Variants in MYOF observed in about 807,000 individuals in gnomAD.
MYOF encodes the protein fer-1-like 3, myoferlin.
In MYOF, 244 loss-of-function variants were observed where a neutral mutation model predicts 284.2. The ratio of observed to expected loss-of-function variants is 0.86; its 90% CI spans 0.77 to 0.95. The LOEUF (loss-of-function observed/expected upper bound fraction) is 0.95. Ranked by LOEUF, MYOF falls within the 40% of genes least tolerant of loss-of-function variation. The pLI, the probability that MYOF is intolerant of heterozygous loss-of-function variation, is 0.00. For missense variants in MYOF, 2,496 were observed against 2,560.6 expected (o/e 0.97, Z 0.54); for synonymous variants, 904 against 919.7 (o/e 0.98, Z 0.31).
intron 16 of MYOF, among the ~76,000 whole-genome samples, chr10:93,394,364 AGT>A (rs201933227): frequency 0.018 from 2,728 of 151,252 alleles, 84 homozygotes; most frequent in African/African-American, 0.061. Context: ...GGCCTCCCAA[AGT>A]GCTGGGATTA....
At chr10:93,465,324 C>T (rs1391028162) in intron 1 of MYOF, among the ~76,000 whole-genome samples, 1 of 152,138 alleles carries the variant, frequency 6.6e-6, no homozygotes, top group Non-Finnish European at 1.5e-5. Flanking sequence ...ATTCCCCCCA[C>T]AACGCTTACT....
intron 36 of MYOF, 123 bp from the exon 37 acceptor site, chr10:93,347,905 C>T: frequency 2.1e-6 from 2 of 963,108 alleles, no homozygotes; most frequent in Non-Finnish European, 3.0e-6. Flanking sequence ...CGCAATAGTT[C>T]AGTTACTCAT....
At position 93,318,754 on chromosome 10, in the gene MYOF, G is replaced by C. The variant is rs144163560; in HGVS notation, c.5598+1118C>G. Among the ~76,000 whole-genome samples the C allele has an allele frequency of 5.3e-3, 807 of 152,244 alleles. 3 individuals carry two copies. The highest frequency in any genetic ancestry group is 0.01 in the Middle Eastern group (3 of 294). On this transcript the variant is annotated intron_variant, in intron 49 of 53. Coordinates refer to ENST00000359263, the MANE Select transcript of MYOF (RefSeq NM_013451.4). ...GCCTGGGCAACAACAGTGAAACTCT[G>C]TCTCAAAAAAACAAAAAATAGTGCT... is the stretch of plus-strand genomic sequence containing the variant.
At chr10:93,366,596 A>G (rs1418985111) in intron 25 of MYOF, 41 bp from the exon 26 acceptor site, 1 of 1,523,622 alleles carries the variant, frequency 6.6e-7, no homozygotes, top group African/African-American at 1.4e-5. Flanking sequence ...ACCATCAGAG[A>G]GCAAAAAATA....
intron 39 of MYOF, among the ~76,000 whole-genome samples, chr10:93,339,488 A>G (rs953626494): frequency 2.2e-4 from 33 of 150,892 alleles, no homozygotes; most frequent in African/African-American, 7.8e-4. Context: ...AAATTTTGAC[A>G]GAGTCTCGCT....
intron 3 of MYOF, among the ~76,000 whole-genome samples, chr10:93,436,733 A>G (rs1849141612): frequency 6.6e-6 from 1 of 152,242 alleles, no homozygotes; most frequent in Admixed American, 6.5e-5. Flanking sequence ...AAACTGGGAA[A>G]TGATGACTTG....
At chr10:93,450,055 C>T (rs1293897737) in intron 3 of MYOF, among the ~76,000 whole-genome samples, 4 of 151,932 alleles carry the variant, frequency 2.6e-5, no homozygotes, top group South Asian at 2.1e-4. Context: ...GCCAAGAGTT[C>T]GAGACCAGCC....
chr10:93,372,925 T>C lies in MYOF; in HGVS notation c.2457+5A>G, dbSNP rs1360592301. The C allele has an allele frequency of 5.0e-6, 8 of 1,613,922 alleles. No homozygotes were observed. The highest frequency in any genetic ancestry group is 6.8e-6 in the Non-Finnish European group (8 of 1,179,870). Reference sequence around the variant, plus strand: ...TGTTTCACATGACACAGTGAAGATATGTACCTTCAGAAAGATGGTTTGGGT... The same window carrying C: ...TGTTTCACATGACACAGTGAAGATACGTACCTTCAGAAAGATGGTTTGGGT... On this transcript the variant is annotated splice_donor_5th_base_variant and intron_variant, in intron 24 of 53. Transcript: ENST00000359263.
chr10:93,387,649 A>T (rs1179141971), intron 19 of MYOF, 148 bp downstream of exon 19: 1 of 684,008 alleles, frequency 1.5e-6, no homozygotes, highest in Non-Finnish European at 2.6e-6. Context: ...ATCTCAAAGG[A>T]TGAAGCGATC....
chr10:93,352,205 T>C (rs1023570797), intron 32 of MYOF, among the ~76,000 whole-genome samples: 2 of 152,156 alleles, frequency 1.3e-5, no homozygotes, highest in Non-Finnish European at 2.9e-5. Flanking sequence ...GCTGCATAAC[T>C]TTGAGGGAAA....
At chr10:93,328,736 G>C in intron 45 of MYOF, 27 bp downstream of exon 45, 1 of 1,598,776 alleles carries the variant, frequency 6.3e-7, no homozygotes, top group South Asian at 1.1e-5. Flanking sequence ...CTTTGTACCA[G>C]TTTACAATCC....
chr10:93,323,019 C>T, intron 48 of MYOF, 59 bp downstream of exon 48: 1 of 1,498,960 alleles, frequency 6.7e-7, no homozygotes, highest in South Asian at 1.1e-5. Context: ...AATGAAAACT[C>T]ACGAAGGAGA....
chr10:93,371,631 TAAATC>T (rs1845594075), intron 24 of MYOF, among the ~76,000 whole-genome samples: 1 of 152,226 alleles, frequency 6.6e-6, no homozygotes, highest in African/African-American at 2.4e-5. Context: ...TTGTTACAGT[TAAATC>T]AATAAATATT....
At position 93,452,035 on chromosome 10, in the gene MYOF, G is replaced by A; in HGVS notation, c.236+15C>T. ...GTAATACCTAAAATGAGAAAAACAG[G>A]TGAAAACAACTTACTTATTTTGTCC... On this transcript the variant is annotated intron_variant, in intron 3 of 53. Transcript: ENST00000359263. 6.4e-7 allele frequency: 1 copy of A among 1,563,592 alleles called. No homozygotes were observed.
intron 38 of MYOF, 116 bp downstream of exon 38, chr10:93,343,739 AT>A: frequency 9.7e-7 from 1 of 1,035,074 alleles, no homozygotes; most frequent in Non-Finnish European, 1.5e-6. Context: ...CAATAAATGG[AT>A]TGGCTGATGA....
chr10:93,360,037 A>G, intron 28 of MYOF, 59 bp from the exon 29 acceptor site: 6 of 1,599,296 alleles, frequency 3.8e-6, no homozygotes, highest in Non-Finnish European at 5.1e-6. Flanking sequence ...ATCACCAAAT[A>G]AACCTCGAGG....
chr10:93,461,725 T>C (rs1268319056), intron 1 of MYOF, among the ~76,000 whole-genome samples: 1 of 152,094 alleles, frequency 6.6e-6, no homozygotes. Flanking sequence ...GCAAACGGGC[T>C]TTGTGGGAAG....
At chr10:93,328,719 T>C in intron 45 of MYOF, 44 bp downstream of exon 45, 1 of 1,580,048 alleles carries the variant, frequency 6.3e-7, no homozygotes, top group Non-Finnish European at 8.7e-7. Flanking sequence ...ATATATGGGT[T>C]ACTATACTTT....
intron 31 of MYOF, 71 bp downstream of exon 31, chr10:93,355,557 G>T (rs187708810): frequency 1.6e-6 from 2 of 1,252,744 alleles, no homozygotes; most frequent in East Asian, 2.5e-5. Context: ...TCCAGCCTGG[G>T]TGATAGGGCC....
Sources: gnomAD v4.1 joint callset for allele counts (sites outside exome capture counted in the v4.1 genomes callset) on GRCh38, gnomAD v4.1.1 for gene constraint, MANE v1.5 for transcripts, NCBI Gene and HGNC (gene_info 2026-07-23, HGNC 2026-07-21) for gene names.